The following NFIX variants were observed in gnomAD, a reference collection of about 807,000 sequenced individuals.
NFIX encodes nuclear factor I X.
NFIX carries 2 observed loss-of-function variants against 53.3 expected under a neutral mutation model. The observed-to-expected ratio is 0.04, with a 90% CI of 0.02 to 0.12. NFIX has a LOEUF of 0.12. Ranked by LOEUF, NFIX falls within the 10% of genes least tolerant of loss-of-function variation. The pLI, the probability that NFIX is intolerant of heterozygous loss-of-function variation, is 1.00. For missense variants in NFIX, 310 were observed against 674.5 expected (o/e 0.46, Z 5.99); for synonymous variants, 244 against 289.0 (o/e 0.84, Z 1.58).
intron 2 of NFIX, among the ~76,000 whole-genome samples, chr19:13,046,365 C>T (rs982441396): frequency 6.6e-6 from 1 of 152,076 alleles, no homozygotes; most frequent in Non-Finnish European, 1.5e-5. Flanking sequence ...GCCCTTGGGC[C>T]ACTGTGTCTT....
At chr19:13,054,401 G>A (rs552216257) in intron 2 of NFIX, among the ~76,000 whole-genome samples, 2 of 152,334 alleles carry the variant, frequency 1.3e-5, no homozygotes, top group East Asian at 3.9e-4. Flanking sequence ...GAGGCAGTGT[G>A]TAACTCGAGC....
chr19:13,062,405 G>T (rs1380762791), intron 2 of NFIX, among the ~76,000 whole-genome samples: 1 of 152,230 alleles, frequency 6.6e-6, no homozygotes, highest in Non-Finnish European at 1.5e-5. Flanking sequence ...TTTGAAGAAG[G>T]ATCTAGAAGG....
Position 13,040,892 on chromosome 19 carries a change from C to T in NFIX, c.559+15340C>T, listed in dbSNP as rs1448109734. Among the ~76,000 whole-genome samples, 2 of 152,190 alleles carry T rather than the reference C, an allele frequency of 1.3e-5. 1 individual carries two copies. The highest frequency in any genetic ancestry group is 2.9e-5 in the Non-Finnish European group (2 of 68,036). On this transcript the variant is annotated intron_variant, in intron 2 of 10. Transcript: ENST00000592199. This position sits in a 1 kb window ranked among gnomAD's most constrained non-coding sequence, Gnocchi z 4.2. ...GTTTTTGAGTGAATTCCGAGCACTC[C>T]ACTTTCTACCTTAAGACTCTCTAGA...
In NFIX at chr19:13,054,588, C is replaced by T. The variant is rs184500582; in HGVS notation, c.560-18459C>T. Among the ~76,000 whole-genome samples, 34 of 152,218 alleles carry T rather than the reference C, an allele frequency of 2.2e-4. 1 individual carries two copies. The highest frequency in any genetic ancestry group is 7.7e-4 in the African/African-American group (32 of 41,540). On this transcript the variant is annotated intron_variant, in intron 2 of 10. Coordinates refer to ENST00000592199, the MANE Select transcript of NFIX (RefSeq NM_001365902.3). Reference sequence around the variant, plus strand: ...TGCTGAGGCCAGTACCCCAGGGAGTCCTACTCCAAGAGTCGGAGCTGGGTC... The same window carrying T: ...TGCTGAGGCCAGTACCCCAGGGAGTTCTACTCCAAGAGTCGGAGCTGGGTC...
chr19:13,047,143 A>G (rs2145298049), intron 2 of NFIX, among the ~76,000 whole-genome samples: 1 of 152,214 alleles, frequency 6.6e-6, no homozygotes, highest in Admixed American at 6.5e-5. Flanking sequence ...CTTGGGATCA[A>G]TATCAGTCTT....
intron 1 of NFIX, chr19:13,024,677 C>T: frequency 6.5e-7 from 1 of 1,536,304 alleles, no homozygotes; most frequent in East Asian, 2.4e-5. Flanking sequence ...GGGATACCAG[C>T]AGCGTGTGTG....
At chr19:13,062,591 G>A (rs1388829159) in intron 2 of NFIX, among the ~76,000 whole-genome samples, 1 of 152,226 alleles carries the variant, frequency 6.6e-6, no homozygotes, top group Non-Finnish European at 1.5e-5. Context: ...GGGCTCTCAT[G>A]CCTTCCAGAG....
At chr19:13,038,577 G>A (rs1336623290) in intron 2 of NFIX, among the ~76,000 whole-genome samples, 1 of 152,242 alleles carries the variant, frequency 6.6e-6, no homozygotes, top group East Asian at 1.9e-4. Flanking sequence ...GTGTTCTCAT[G>A]TCATTTATAG....
Position 13,078,769 on chromosome 19 carries a change from G to A in NFIX, c.1078+34G>A. 6.3e-7 allele frequency: 1 copy of A among 1,582,452 alleles called. No individual in the cohort carries two copies. Among genetic ancestry groups the A allele is most frequent in the Admixed American group, 1.8e-5 (1 of 56,208 alleles). On this transcript the variant is annotated intron_variant, in intron 7 of 10. Transcript: ENST00000592199. The surrounding 1 kb of genome is among the most constrained non-coding windows in gnomAD (Gnocchi z 4.7). ...TGGGGGGCCCCGGAGGGGGGCAGTT[G>A]GGGAGGTGGCTGAGTATCTAGGGGC...
At chr19:13,039,442 A>G (rs1298623761) in intron 2 of NFIX, among the ~76,000 whole-genome samples, 1 of 152,200 alleles carries the variant, frequency 6.6e-6, no homozygotes, top group Non-Finnish European at 1.5e-5. Flanking sequence ...TTCCTCTTCA[A>G]CAAAGTGCTC....
intron 1 of NFIX, among the ~76,000 whole-genome samples, chr19:13,000,874 G>A (rs946396002): frequency 1.1e-4 from 16 of 152,154 alleles, no homozygotes; most frequent in South Asian, 2.1e-4. Flanking sequence ...TGGCCGTGGC[G>A]CCGTGGCTGT....
chr19:13,075,487 G>A (rs1466647576), intron 5 of NFIX, 48 bp from the exon 6 acceptor site: 1 of 1,603,648 alleles, frequency 6.2e-7, no homozygotes. Context: ...TCACTCCCTG[G>A]AGCCTCAGCC....
At chr19:13,019,157 G>A (rs1481392838) in intron 1 of NFIX, among the ~76,000 whole-genome samples, 1 of 151,978 alleles carries the variant, frequency 6.6e-6, no homozygotes, top group East Asian at 1.9e-4. Context: ...ACTAAAAGTG[G>A]CCCTGTCTTA....
At chr19:13,030,074 T>G (rs1351201803) in intron 2 of NFIX, among the ~76,000 whole-genome samples, 1 of 152,224 alleles carries the variant, frequency 6.6e-6, no homozygotes, top group African/African-American at 2.4e-5. Context: ...CTGTGCCGCC[T>G]CATCCATTGC....
At position 13,001,256 on chromosome 19, in the gene NFIX, C is replaced by T. The variant is rs149822740; in HGVS notation, c.27+5392C>T. On this transcript the variant is annotated intron_variant, in intron 1 of 10. Coordinates refer to ENST00000592199, the MANE Select transcript of NFIX (RefSeq NM_001365902.3). This position sits in a 1 kb window ranked among gnomAD's most constrained non-coding sequence, Gnocchi z 6.5. The stretch of plus-strand genomic sequence containing the variant: ...TCAGGCCTCAGAGCCACCATTTTCC[C>T]GAGGATGTCTGTGTGGCAGCGTGTG... Among the ~76,000 whole-genome samples the T allele has an allele frequency of 1.3e-5, 2 of 152,178 alleles. No homozygotes were observed. The highest frequency in any genetic ancestry group is 6.5e-5 in the Admixed American group (1 of 15,270).
In NFIX at chr19:12,995,576, A is replaced by AGCGGCG. The variant is rs970917982; in HGVS notation, c.-251_-246dup. Reference sequence around the variant, plus strand: ...CGGCATGGAGTAGACGCGCGGCGGCAGCGGCGGCGGCGGCGGACGCGAGAG... The same window carrying AGCGGCG: ...CGGCATGGAGTAGACGCGCGGCGGCAGCGGCGGCGGCGGCGGCGGCGGACGCGAGAG... On this transcript the variant is annotated 5_prime_UTR_variant, in exon 1 of 11. Transcript: ENST00000592199. 4 of 133,822 alleles carry AGCGGCG rather than the reference A, an allele frequency of 3.0e-5. No homozygotes were observed. The highest frequency in any genetic ancestry group is 2.0e-4 in the South Asian group (1 of 5,090). 8.3% of individuals were successfully genotyped at this position (133,822 alleles called of 1,614,324 possible). A position where few individuals can be genotyped will look rare whatever the true frequency, so the allele number is the denominator to read the frequency against.
At chr19:13,055,504 C>T (rs937457709) in intron 2 of NFIX, among the ~76,000 whole-genome samples, 2 of 152,212 alleles carry the variant, frequency 1.3e-5, no homozygotes, top group South Asian at 2.1e-4. Context: ...GTGCCTTGCT[C>T]CCTAATAGCT....
intron 1 of NFIX, among the ~76,000 whole-genome samples, chr19:13,016,762 CCTCT>C (rs920423694): frequency 2.6e-5 from 4 of 151,872 alleles, no homozygotes; most frequent in Non-Finnish European, 4.4e-5. Context: ...TTTCTTTCGC[CCTCT>C]CTGTCTTCCC....
chr19:13,033,341 T>C (rs1364704314), intron 2 of NFIX, among the ~76,000 whole-genome samples: 1 of 152,122 alleles, frequency 6.6e-6, no homozygotes, highest in African/African-American at 2.4e-5. Flanking sequence ...ATCTCGTACC[T>C]TATTTCCTGG....
Sources: gnomAD v4.1 joint callset for allele counts (sites outside exome capture counted in the v4.1 genomes callset) on GRCh38, gnomAD v4.1.1 for gene constraint, Gnocchi (gnomAD v3.1) non-coding constraint, MANE v1.5 for transcripts, NCBI Gene and HGNC (gene_info 2026-07-23, HGNC 2026-07-21) for gene names.